RASA3: variants seen among roughly 807,000 people sequenced by gnomAD.
The protein encoded by RASA3 is RAS p21 protein activator 3, also known as ras GTPase-activating protein 3.
Under a neutral mutation model 110.0 loss-of-function variants are expected in RASA3, and 73 were observed. That is an observed-to-expected ratio of 0.66 (90% CI 0.55 to 0.81). RASA3 has a LOEUF of 0.81. Among genes scored for constraint, RASA3 ranks in the 30% least tolerant of loss-of-function variants. The probability of loss-of-function intolerance (pLI) is 0.00; values close to 1 mark genes in which losing one functional copy is unlikely to be tolerated. For missense variants in RASA3, 976 were observed against 1,113.2 expected, an observed-to-expected ratio of 0.88 and a Z score of 1.75; for synonymous variants, 500 against 451.4, an observed-to-expected ratio of 1.11 and a Z score of -1.37.
intron 14 of RASA3, among the ~76,000 whole-genome samples, chr13:114,013,535 T>C (rs2053693749): frequency 6.9e-6 from 1 of 145,914 alleles, no homozygotes; most frequent in Non-Finnish European, 1.5e-5. Context: ...TCTCTCTGTC[T>C]CTCTCCCTCT....
intron 1 of RASA3, among the ~76,000 whole-genome samples, chr13:114,095,097 C>T (rs1325309706): frequency 6.6e-6 from 1 of 152,080 alleles, no homozygotes; most frequent in Non-Finnish European, 1.5e-5. Context: ...ATTTAGTAAC[C>T]CATCAGTGAA....
chr13:114,041,777 C>T (rs1474775305), intron 3 of RASA3, among the ~76,000 whole-genome samples: 1 of 152,242 alleles, frequency 6.6e-6, no homozygotes, highest in East Asian at 1.9e-4. Flanking sequence ...GCCACCTTCC[C>T]ACGCGACGTG....
intron 1 of RASA3, chr13:114,107,662 G>C (rs1330197210): frequency 6.6e-6 from 1 of 152,240 alleles, no homozygotes; most frequent in Non-Finnish European, 1.5e-5. Context: ...CCATTCCCCA[G>C]TTTAAAGGAC....
chr13:113,997,623 G>A, intron 20 of RASA3, among the ~76,000 whole-genome samples: 1 of 152,074 alleles, frequency 6.6e-6, no homozygotes, highest in East Asian at 1.9e-4. Context: ...TGGGGCAGGG[G>A]GGACAGATAT....
At chr13:114,093,612 G>C (rs985915293) in intron 1 of RASA3, among the ~76,000 whole-genome samples, 2 of 151,642 alleles carry the variant, frequency 1.3e-5, no homozygotes, top group African/African-American at 4.8e-5. Context: ...AGGTTGGAAA[G>C]TTTGCTGTTA....
chr13:114,073,673 A>G lies in RASA3; in HGVS notation c.173+47T>C, dbSNP rs765690987. On this transcript the variant is annotated intron_variant, in intron 2 of 23. Coordinates refer to ENST00000334062, the MANE Select transcript of RASA3 (RefSeq NM_007368.4). ...CGTACACCCTTGGGACATTCTCTACACCAAAGAAAACACATCAGTGCCAAG... is the reference window on the plus strand; with the variant it reads ...CGTACACCCTTGGGACATTCTCTACGCCAAAGAAAACACATCAGTGCCAAG... 20 of 1,469,986 alleles carry G rather than the reference A, an allele frequency of 1.4e-5. No homozygotes were observed. The South Asian group carries it at 2.3e-4, about 17-fold the overall frequency. 91.1% of individuals were successfully genotyped at this position (1,469,986 alleles called of 1,614,324 possible).
At chr13:114,066,105 GA>G (rs1566544911) in intron 2 of RASA3, among the ~76,000 whole-genome samples, 1 of 147,510 alleles carries the variant, frequency 6.8e-6, no homozygotes, top group Non-Finnish European at 1.5e-5. Flanking sequence ...AGCACCCCGG[GA>G]CACTGTGGCC....
Position 114,018,754 on chromosome 13 carries a change from G to A in RASA3, c.942+9C>T. ...GCCCACACCCACAGGCCACGGCGTGGACAAGCACCTCCACATCCGCAGACT... is the reference window on the plus strand; with the variant it reads ...GCCCACACCCACAGGCCACGGCGTGAACAAGCACCTCCACATCCGCAGACT... On this transcript the variant is annotated intron_variant, in intron 10 of 23. Transcript: ENST00000334062. 1.9e-6 allele frequency: 3 copies of A among 1,612,836 alleles called. No homozygotes were observed. The highest frequency in any genetic ancestry group is 2.5e-6 in the Non-Finnish European group (3 of 1,179,786).
chr13:114,118,951 G>C, intron 1 of RASA3, among the ~76,000 whole-genome samples: 1 of 152,254 alleles, frequency 6.6e-6, no homozygotes, highest in Non-Finnish European at 1.5e-5. Context: ...GGGGAGCACA[G>C]AACTAAATGG....
intron 4 of RASA3, among the ~76,000 whole-genome samples, chr13:114,031,353 C>G (rs1337541799): frequency 6.6e-6 from 1 of 151,262 alleles, no homozygotes; most frequent in African/African-American, 2.4e-5. Context: ...GTGTGTCCTT[C>G]TGTGTGTGTG....
At chr13:114,097,372 A>C (rs1053466692) in intron 1 of RASA3, among the ~76,000 whole-genome samples, 1 of 152,238 alleles carries the variant, frequency 6.6e-6, no homozygotes, top group South Asian at 2.1e-4. Flanking sequence ...GCATCCCCAC[A>C]GGGCGCCAGG....
rs1443179312 is a variant in RASA3, at chr13:114,011,113, T to C, written c.1590+58A>G. The C allele has an allele frequency of 1.4e-6, 2 of 1,462,766 alleles. No homozygotes were observed. Among genetic ancestry groups the C allele is most frequent in the Non-Finnish European group, 9.5e-7 (1 of 1,051,758 alleles). 90.6% of individuals were successfully genotyped at this position (1,462,766 alleles called of 1,614,324 possible). ...TGGGAGGTTTTTCACGTGTATTTTC[T>C]GAAGAGAGAAAAGAATCAGTTGTCC... On this transcript the variant is annotated intron_variant, in intron 16 of 23. Coordinates refer to ENST00000334062, the MANE Select transcript of RASA3 (RefSeq NM_007368.4). This position sits in a 1 kb window ranked among gnomAD's most constrained non-coding sequence, Gnocchi z 4.8.
intron 4 of RASA3, among the ~76,000 whole-genome samples, chr13:114,038,533 G>A (rs1166675862): frequency 1.3e-5 from 2 of 152,242 alleles, no homozygotes; most frequent in African/African-American, 4.8e-5. Context: ...AGGGCTTCTT[G>A]GCTCCACTCC....
chr13:113,997,164 G>A (rs537140401), intron 20 of RASA3, among the ~76,000 whole-genome samples: 3 of 152,306 alleles, frequency 2.0e-5, no homozygotes, highest in East Asian at 1.9e-4. Flanking sequence ...CAGGTGGCCC[G>A]GCCTGCTCAG....
intron 17 of RASA3, among the ~76,000 whole-genome samples, chr13:114,009,058 C>T (rs990824235): frequency 6.6e-6 from 1 of 152,248 alleles, no homozygotes; most frequent in Non-Finnish European, 1.5e-5. Context: ...CAGGGCTCCA[C>T]GACTGCAGCC....
Position 114,056,370 on chromosome 13 carries a change from G to A in RASA3, c.174-4215C>T. 2 of 883,174 alleles carry A rather than the reference G, an allele frequency of 2.3e-6. No homozygotes were observed. Among genetic ancestry groups the A allele is most frequent in the Non-Finnish European group, 2.7e-6 (2 of 736,760 alleles). 54.7% of individuals were successfully genotyped at this position (883,174 alleles called of 1,614,324 possible). A position where few individuals can be genotyped will look rare whatever the true frequency, so the allele number is the denominator to read the frequency against. The stretch of plus-strand genomic sequence containing the variant: ...CCCACAAACGGGCGCCGCGCACCTG[G>A]CATTTAACCCTGCACACTTCCTCAC... On this transcript the variant is annotated intron_variant, in intron 2 of 23. Transcript: ENST00000334062. This position sits in a 1 kb window ranked among gnomAD's most constrained non-coding sequence, Gnocchi z 5.7.
intron 1 of RASA3, among the ~76,000 whole-genome samples, chr13:114,076,934 C>T (rs2079694890): frequency 6.6e-6 from 1 of 152,164 alleles, no homozygotes; most frequent in African/African-American, 2.4e-5. Flanking sequence ...TGGGATTTTA[C>T]TGGGTTTTTT....
Position 114,115,808 on chromosome 13 carries a change from C to T in RASA3, c.55+16627G>A, listed in dbSNP as rs1042159410. Among the ~76,000 whole-genome samples, 1 of 152,226 alleles carries T rather than the reference C, an allele frequency of 6.6e-6. No individual in the cohort carries two copies. Among genetic ancestry groups the T allele is most frequent in the East Asian group, 1.9e-4 (1 of 5,202 alleles). On this transcript the variant is annotated intron_variant, in intron 1 of 23. Coordinates refer to ENST00000334062, the MANE Select transcript of RASA3 (RefSeq NM_007368.4). This position sits in a 1 kb window ranked among gnomAD's most constrained non-coding sequence, Gnocchi z 5.0. Reference sequence around the variant, plus strand: ...ACGCCTTCTCAGTCTCCTGTAACGACGTTGCTACAGATGTATGTGTTTGTG... The same window carrying T: ...ACGCCTTCTCAGTCTCCTGTAACGATGTTGCTACAGATGTATGTGTTTGTG...
intron 16 of RASA3, among the ~76,000 whole-genome samples, chr13:114,010,604 G>GGGA (rs2053610470): frequency 7.0e-6 from 1 of 142,038 alleles, no homozygotes; most frequent in African/African-American, 2.7e-5. Flanking sequence ...GTGGGGAGGG[G>GGGA]AGCGCCACGT....
Sources: allele counts gnomAD v4.1 joint callset (sites outside exome capture counted in the v4.1 genomes callset), GRCh38; gene constraint gnomAD v4.1.1; non-coding constraint Gnocchi (gnomAD v3.1); transcripts MANE v1.5; gene names NCBI Gene and HGNC (gene_info 2026-07-23, HGNC 2026-07-21).